SH3PXD2A: variants seen among roughly 807,000 people sequenced by gnomAD.
SH3PXD2A encodes the protein SH3 and PX domain-containing protein 2A.
A neutral mutation model predicts 115.2 loss-of-function variants in SH3PXD2A; 32 were observed. The observed-to-expected ratio is 0.28, with a 90% confidence interval of 0.21 to 0.37. The LOEUF (loss-of-function observed/expected upper bound fraction) is 0.37, where lower values mean the gene tolerates loss of function less well. Among genes scored for constraint, SH3PXD2A ranks in the 10% least tolerant of loss-of-function variants. The pLI is 1.00. For synonymous variants in SH3PXD2A, 610 were observed against 629.1 expected (o/e 0.97, Z 0.45); for missense variants, 1,328 against 1,498.7 (o/e 0.89, Z 1.88).
At chr10:103,803,273 A>G (rs2039164794) in intron 1 of SH3PXD2A, among the ~76,000 whole-genome samples, 1 of 152,190 alleles carries the variant, frequency 6.6e-6, no homozygotes, top group Admixed American at 6.5e-5. Flanking sequence ...CATAAGGTAA[A>G]AGGCCACCCC....
At chr10:103,799,619 G>T (rs1451224672) in intron 2 of SH3PXD2A, among the ~76,000 whole-genome samples, 2 of 152,204 alleles carry the variant, frequency 1.3e-5, no homozygotes, top group Non-Finnish European at 1.5e-5. Context: ...AGTGGGTGGG[G>T]GACCATAAGG....
chr10:103,730,285 TAA>T (rs2038301683), intron 4 of SH3PXD2A, among the ~76,000 whole-genome samples: 1 of 145,170 alleles, frequency 6.9e-6, no homozygotes, highest in African/African-American at 2.6e-5. Flanking sequence ...TTTTGTTTTT[TAA>T]TTTTTTTAAA....
chr10:103,735,932 G>A (rs1005102407), intron 3 of SH3PXD2A, 124 bp from the exon 4 acceptor site: 11 of 797,782 alleles, frequency 1.4e-5, no homozygotes, highest in South Asian at 1.0e-4. Flanking sequence ...CCCCGTCCAC[G>A]GTCAAGGAAA....
intron 8 of SH3PXD2A, among the ~76,000 whole-genome samples, chr10:103,635,965 C>T (rs571987349): frequency 4.6e-5 from 7 of 152,268 alleles, no homozygotes; most frequent in Non-Finnish European, 8.8e-5. Flanking sequence ...GTCCCAGCCC[C>T]GGGAGGGAAA....
chr10:103,700,958 AT>A (rs2037886147), intron 5 of SH3PXD2A, among the ~76,000 whole-genome samples: 1 of 151,666 alleles, frequency 6.6e-6, no homozygotes. Context: ...TCATCCATCC[AT>A]CCATCCATCC....
intron 1 of SH3PXD2A, among the ~76,000 whole-genome samples, chr10:103,827,936 C>T (rs1248495570): frequency 1.3e-5 from 2 of 152,200 alleles, no homozygotes; most frequent in Non-Finnish European, 2.9e-5. Context: ...AACAGTCGTG[C>T]CCCGCAGAGG....
chr10:103,736,412 C>T (rs887520530), intron 3 of SH3PXD2A, among the ~76,000 whole-genome samples: 6 of 152,262 alleles, frequency 3.9e-5, no homozygotes, highest in Non-Finnish European at 5.9e-5. Flanking sequence ...ATGGGCAAGG[C>T]TTACAGGAAA....
At chr10:103,724,184 T>A in intron 5 of SH3PXD2A, 86 bp downstream of exon 5, 2 of 601,452 alleles carry the variant, frequency 3.3e-6, no homozygotes. Flanking sequence ...TCTGCTTGTG[T>A]TCCCACAGCC....
intron 9 of SH3PXD2A, among the ~76,000 whole-genome samples, chr10:103,624,095 C>A (rs1361315698): frequency 2.6e-5 from 4 of 152,236 alleles, no homozygotes; most frequent in Non-Finnish European, 5.9e-5. Context: ...TGAATCCAGG[C>A]AGTCTGGCTC....
At chr10:103,721,270 C>T (rs920537601) in intron 5 of SH3PXD2A, among the ~76,000 whole-genome samples, 1 of 152,196 alleles carries the variant, frequency 6.6e-6, no homozygotes, top group African/African-American at 2.4e-5. Context: ...TCTGCATTAT[C>T]TCATTTTAGG....
chr10:103,800,257 G>GCCAT (rs1487393262), intron 2 of SH3PXD2A, among the ~76,000 whole-genome samples: 5 of 152,112 alleles, frequency 3.3e-5, no homozygotes, highest in Non-Finnish European at 7.4e-5. Flanking sequence ...CTCCCTAGTG[G>GCCAT]CCATGTCTGT....
intron 1 of SH3PXD2A, among the ~76,000 whole-genome samples, chr10:103,809,592 AG>A (rs1253131584): frequency 5.3e-5 from 8 of 152,174 alleles, no homozygotes; most frequent in Admixed American, 4.6e-4. Context: ...AGTGTGTAGC[AG>A]GTACCCATCA....
intron 8 of SH3PXD2A, among the ~76,000 whole-genome samples, chr10:103,640,958 C>T (rs961862218): frequency 1.3e-5 from 2 of 152,096 alleles, no homozygotes; most frequent in Non-Finnish European, 2.9e-5. Flanking sequence ...CGAGGGCTGG[C>T]ACAACCCAGC....
intron 2 of SH3PXD2A, among the ~76,000 whole-genome samples, chr10:103,775,461 G>C (rs2038868607): frequency 6.6e-6 from 1 of 152,174 alleles, no homozygotes; most frequent in Non-Finnish European, 1.5e-5. Context: ...GATCAGTGTG[G>C]CTGGAGTGAG....
chr10:103,754,755 A>C (rs1475268683), intron 3 of SH3PXD2A: 2 of 152,192 alleles, frequency 1.3e-5, no homozygotes, highest in Non-Finnish European at 2.9e-5. Flanking sequence ...AGGTGTATGT[A>C]AGGATGTGAG....
chr10:103,748,036 T>C (rs1459648077), intron 3 of SH3PXD2A, among the ~76,000 whole-genome samples: 2 of 151,964 alleles, frequency 1.3e-5, no homozygotes, highest in East Asian at 3.9e-4. Context: ...CACCAGCATT[T>C]TCTGTGGTTC....
chr10:103,810,167 C>T (rs918664487), intron 1 of SH3PXD2A, among the ~76,000 whole-genome samples: 1 of 152,186 alleles, frequency 6.6e-6, no homozygotes, highest in African/African-American at 2.4e-5. Context: ...ATGGAAGCCT[C>T]CTGAAGGTGG....
At chr10:103,816,512 G>A (rs191741577) in intron 1 of SH3PXD2A, among the ~76,000 whole-genome samples, 8 of 152,244 alleles carry the variant, frequency 5.3e-5, no homozygotes. Context: ...AATAAGTGAT[G>A]GTGAGGATGT....
At chr10:103,732,808 C>T (rs541846926) in intron 4 of SH3PXD2A, among the ~76,000 whole-genome samples, 7 of 152,294 alleles carry the variant, frequency 4.6e-5, no homozygotes, top group Non-Finnish European at 7.4e-5. Flanking sequence ...CTAGGCAGTA[C>T]GTAGACAAAG....
Sources: gnomAD v4.1 joint callset for allele counts (sites outside exome capture counted in the v4.1 genomes callset) on GRCh38, gnomAD v4.1.1 for gene constraint, MANE v1.5 for transcripts, NCBI Gene and HGNC (gene_info 2026-07-23, HGNC 2026-07-21) for gene names.